ADARB2: variants seen among roughly 807,000 people sequenced by gnomAD.
ADARB2 encodes inactive double-stranded RNA-specific editase B2.
A neutral mutation model predicts 62.2 loss-of-function variants in ADARB2; 25 were observed. That is an observed-to-expected ratio of 0.40 (90% CI 0.29 to 0.56). The LOEUF is 0.56. Ranked by LOEUF, ADARB2 falls within the 20% of genes least tolerant of loss-of-function variation. ADARB2 has a pLI of 0.43. For missense variants in ADARB2, 1,071 were observed against 1,077.4 expected (o/e 0.99, Z 0.08); for synonymous variants, 572 against 500.8 (o/e 1.14, Z -1.90).
rs556162017 is a variant in ADARB2 at position 1,229,816 on chromosome 10, TTATG to T, written c.1513+3874_1513+3877del. Among the ~76,000 whole-genome samples the T allele has an allele frequency of 3.0e-3, 362 of 118,912 alleles. 3 individuals carry two copies. The highest frequency in any genetic ancestry group is 0.011 in the African/African-American group (339 of 29,692). 78.0% of individuals were successfully genotyped at this position (118,912 alleles called of 152,430 possible). A position where few individuals can be genotyped will look rare whatever the true frequency, so the allele number is the denominator to read the frequency against. On this transcript the variant is annotated intron_variant, in intron 6 of 9. Coordinates refer to ENST00000381312, the MANE Select transcript of ADARB2 (RefSeq NM_018702.4). Reference sequence around the variant, plus strand: ...TTTATGTGTGTGCGTGTACATGTACTTATGTATGTTTTTGTGCACATGTGCTTAC... The same window carrying T: ...TTTATGTGTGTGCGTGTACATGTACTTATGTTTTTGTGCACATGTGCTTAC...
chr10:1,594,272 T>C (rs1833303700), intron 1 of ADARB2, among the ~76,000 whole-genome samples: 1 of 152,034 alleles, frequency 6.6e-6, no homozygotes, highest in Admixed American at 6.6e-5. Flanking sequence ...GCCTGGGTGA[T>C]AGAGCAAGAC....
chr10:1,716,914 C>A (rs2119159006), intron 1 of ADARB2, among the ~76,000 whole-genome samples: 1 of 152,270 alleles, frequency 6.6e-6, no homozygotes, highest in East Asian at 1.9e-4. Context: ...AAACCACATG[C>A]AGGCCTTTTG....
At chr10:1,243,658 G>A (rs952746025) in intron 4 of ADARB2, among the ~76,000 whole-genome samples, 2 of 152,214 alleles carry the variant, frequency 1.3e-5, no homozygotes, top group Admixed American at 6.5e-5. Flanking sequence ...ATTCGGGGCC[G>A]GGAGGGACCG....
chr10:1,452,287 C>T (rs1006386234), intron 1 of ADARB2, among the ~76,000 whole-genome samples: 3 of 152,012 alleles, frequency 2.0e-5, no homozygotes, highest in South Asian at 2.1e-4. Context: ...GTCCATGGCC[C>T]ACAAAAATCA....
chr10:1,200,197 G>A (rs1836966989), intron 7 of ADARB2, 50 bp from the exon 8 acceptor site: 2 of 1,546,356 alleles, frequency 1.3e-6, no homozygotes, highest in Non-Finnish European at 1.7e-6. Flanking sequence ...AGCCCAGGGA[G>A]CCTGGTCCTC....
chr10:1,492,472 G>A (rs1019351399), intron 1 of ADARB2, among the ~76,000 whole-genome samples: 21 of 152,136 alleles, frequency 1.4e-4, no homozygotes, highest in Admixed American at 3.9e-4. Flanking sequence ...GAGCAGGAAG[G>A]ATCATCCCCT....
intron 6 of ADARB2, among the ~76,000 whole-genome samples, chr10:1,224,293 C>T (rs1830724010): frequency 6.6e-6 from 1 of 152,092 alleles, no homozygotes; most frequent in Non-Finnish European, 1.5e-5. Context: ...TTTTTTATTG[C>T]ATCTCTTTGA....
chr10:1,460,587 C>T (rs12784896), intron 1 of ADARB2, among the ~76,000 whole-genome samples: 2 of 89,780 alleles, frequency 2.2e-5, no homozygotes, highest in African/African-American at 5.6e-5. Flanking sequence ...AGTTTACCTG[C>T]GTTACGAACC....
chr10:1,715,780 C>G (rs571773985), intron 1 of ADARB2, among the ~76,000 whole-genome samples: 1 of 152,346 alleles, frequency 6.6e-6, no homozygotes, highest in Non-Finnish European at 1.5e-5. Flanking sequence ...CAGGAGGCTC[C>G]GGAAGGTTCC....
At position 1,379,059 on chromosome 10, in the gene ADARB2, A is replaced by G. The variant is rs757019118; in HGVS notation, c.187+15T>C. The G allele has an allele frequency of 1.9e-6, 3 of 1,605,290 alleles. No individual in the cohort carries two copies. The highest frequency in any genetic ancestry group is 2.2e-5 in the South Asian group (2 of 90,852). ...CAGGGGCCTTTGTGTACTTCGGGGA[A>G]GGGAAGTTGCTTACTGAGGGTGTCG... is the stretch of plus-strand genomic sequence containing the variant. On this transcript the variant is annotated intron_variant, in intron 2 of 9. Transcript: ENST00000381312.
chr10:1,310,415 ATTCCTTCATTGACTCTGAAT>A (rs2131822444), intron 3 of ADARB2, among the ~76,000 whole-genome samples: 1 of 152,360 alleles, frequency 6.6e-6, no homozygotes, highest in African/African-American at 2.4e-5. Flanking sequence ...TCTGAATAAC[ATTCCTTCATTGACTCTGAAT>A]AACATTCCTT....
At chr10:1,731,157 T>C (rs887020764) in intron 1 of ADARB2, among the ~76,000 whole-genome samples, 3 of 152,202 alleles carry the variant, frequency 2.0e-5, no homozygotes, top group Non-Finnish European at 4.4e-5. Flanking sequence ...TGTCAGTTTC[T>C]AAGTTGCTAA....
chr10:1,555,140 A>T (rs929296842), intron 1 of ADARB2, among the ~76,000 whole-genome samples: 1 of 152,200 alleles, frequency 6.6e-6, no homozygotes, highest in African/African-American at 2.4e-5. Context: ...ATGGACACCT[A>T]GGCTGATTCC....
intron 1 of ADARB2, among the ~76,000 whole-genome samples, chr10:1,593,673 A>G (rs1328526907): frequency 1.3e-5 from 2 of 152,100 alleles, no homozygotes; most frequent in Admixed American, 1.3e-4. Context: ...TTAATTTATG[A>G]TTTGGTTTGT....
intron 1 of ADARB2, among the ~76,000 whole-genome samples, chr10:1,446,654 A>C (rs1588261089): frequency 1.3e-5 from 2 of 152,248 alleles, no homozygotes; most frequent in Admixed American, 1.3e-4. Flanking sequence ...TCCTCAGGGC[A>C]GTCACTTGAA....
At position 1,233,836 on chromosome 10, in the gene ADARB2, G is replaced by C; in HGVS notation, c.1371C>G (p.Arg457=). 2 of 1,613,522 alleles carry C rather than the reference G, an allele frequency of 1.2e-6. No homozygotes were observed. The highest frequency in any genetic ancestry group is 1.3e-5 in the African/African-American group (1 of 74,978). The change falls in exon 6 of 10, where the codon CGC becomes CGG. Residue 457 remains arginine (R), a synonymous_variant. Coordinates refer to ENST00000381312, the MANE Select transcript of ADARB2 (RefSeq NM_018702.4). ...TQLELHLSKR[R]EDSERSIFVR... ...CGAATATCGATCGCTCTGAGTCCTC[G>C]CGCCGCTTGCTAGGGTCACAAAGAG...
chr10:1,301,976 T>C (rs886389994), intron 3 of ADARB2, among the ~76,000 whole-genome samples: 1 of 152,192 alleles, frequency 6.6e-6, no homozygotes, highest in Non-Finnish European at 1.5e-5. Flanking sequence ...TGTTGTGCAC[T>C]GCATGGGTTT....
At chr10:1,481,130 A>G (rs1270386723) in intron 1 of ADARB2, among the ~76,000 whole-genome samples, 2 of 152,236 alleles carry the variant, frequency 1.3e-5, no homozygotes, top group African/African-American at 2.4e-5. Flanking sequence ...AGACCAATGA[A>G]AGAGAACAGA....
At chr10:1,468,643 G>A (rs1303665317) in intron 1 of ADARB2, among the ~76,000 whole-genome samples, 2 of 152,188 alleles carry the variant, frequency 1.3e-5, no homozygotes, top group Non-Finnish European at 2.9e-5. Context: ...TTGGCAGTCG[G>A]GGCTGGGGGC....
Sources: gnomAD v4.1 joint callset for allele counts (sites outside exome capture counted in the v4.1 genomes callset) on GRCh38, gnomAD v4.1.1 for gene constraint, MANE v1.5 for transcripts, NCBI Gene and HGNC (gene_info 2026-07-23, HGNC 2026-07-21) for gene names.